DHRSX: variants seen among roughly 807,000 people sequenced by gnomAD.
DHRSX encodes polyprenol dehydrogenase.
DHRSX carries 31 observed loss-of-function variants against 34.0 expected under a neutral mutation model. That is an observed-to-expected ratio of 0.91 (90% confidence interval 0.69 to 1.23). DHRSX has a LOEUF of 1.23. DHRSX is among the 50% of genes most tolerant of loss of function. The pLI is 0.00. For synonymous variants in DHRSX, 201 were observed against 183.8 expected, an observed-to-expected ratio of 1.09 and a Z score of -0.76; for missense variants, 414 against 428.1, an observed-to-expected ratio of 0.97 and a Z score of 0.29.
intron 1 of DHRSX, among the ~76,000 whole-genome samples, chrX:2,433,087 G>A (rs2043947775): frequency 1.3e-5 from 2 of 152,122 alleles, no homozygotes; most frequent in South Asian, 2.1e-4. Flanking sequence ...TCGTGCCACT[G>A]CACTCCAGGA....
intron 1 of DHRSX, among the ~76,000 whole-genome samples, chrX:2,442,392 C>T (rs2044074224): frequency 6.7e-6 from 1 of 150,104 alleles, no homozygotes; most frequent in Non-Finnish European, 1.5e-5. Flanking sequence ...CAAAGGTCAA[C>T]TGTATATATT....
intron 3 of DHRSX, among the ~76,000 whole-genome samples, chrX:2,333,612 A>AC (rs1176543601): frequency 6.6e-6 from 1 of 152,012 alleles, no homozygotes; most frequent in Non-Finnish European, 1.5e-5. Flanking sequence ...ACAGGGTTTC[A>AC]CCATCTTGGC....
intron 1 of DHRSX, among the ~76,000 whole-genome samples, chrX:2,500,148 G>A (rs2045379978): frequency 6.6e-6 from 1 of 152,228 alleles, no homozygotes. Flanking sequence ...CTGCAAAGTT[G>A]GAGATCTGTG....
At chrX:2,299,576 C>T (rs779397559) in intron 3 of DHRSX, among the ~76,000 whole-genome samples, 2 of 152,130 alleles carry the variant, frequency 1.3e-5, no homozygotes, top group East Asian at 1.9e-4. Context: ...CTCATCTGGC[C>T]GGGTGTGGTG....
Position 2,371,539 on chromosome X carries a change from CCGTCCTTCTGTTACCAT to C in DHRSX, c.286+37189_286+37205del, listed in dbSNP as rs1569494764. Reference sequence around the variant, plus strand: ...ACAGCCCCTCCTCCGTTACCATAGTCCGTCCTTCTGTTACCATAGTCCCTCCTTCCATTACCATAGTA... The same window carrying C: ...ACAGCCCCTCCTCCGTTACCATAGTCAGTCCCTCCTTCCATTACCATAGTA... On this transcript the variant is annotated intron_variant, in intron 3 of 6. Coordinates refer to ENST00000334651, the MANE Select transcript of DHRSX (RefSeq NM_145177.3). 4.6e-4 allele frequency among the ~76,000 whole-genome samples: 36 copies of C among 77,780 alleles called. 1 individual carries two copies. The highest frequency in any genetic ancestry group is 1.5e-3 in the Non-Finnish European group (34 of 22,058). The allele number at this position is 77,780 out of a possible 152,430, so 51.0% of individuals were successfully genotyped here. A position where few individuals can be genotyped will look rare whatever the true frequency, so the allele number is the denominator to read the frequency against.
intron 3 of DHRSX, among the ~76,000 whole-genome samples, chrX:2,371,669 CCCT>C (rs1291897797): frequency 1.3e-5 from 1 of 76,342 alleles, no homozygotes; most frequent in Non-Finnish European, 4.4e-5. Context: ...TTACCATAGT[CCCT>C]CCTCCTCCCA....
chrX:2,234,008 G>C (rs1449663186), intron 6 of DHRSX, among the ~76,000 whole-genome samples: 1 of 152,206 alleles, frequency 6.6e-6, no homozygotes, highest in East Asian at 1.9e-4. Flanking sequence ...CAGGGAAGGA[G>C]AGGAGAAGGG....
In DHRSX at chrX:2,231,788, T is replaced by A. The variant is rs2015891832; in HGVS notation, c.805-10559A>T. ...TCCTTTCTGCCTTATCCTCCTCCTG[T>A]TTTTCTCTCTATCCCTCTCTCTCCC... On this transcript the variant is annotated intron_variant, in intron 6 of 6. Coordinates refer to ENST00000334651, the MANE Select transcript of DHRSX (RefSeq NM_145177.3). Among the ~76,000 whole-genome samples, 7 of 145,240 alleles carry A rather than the reference T, an allele frequency of 4.8e-5. No individual in the cohort carries two copies. The South Asian group carries it at 1.6e-3, about 33-fold the overall frequency.
At chrX:2,330,258 C>G in intron 3 of DHRSX, among the ~76,000 whole-genome samples, 1 of 151,422 alleles carries the variant, frequency 6.6e-6, no homozygotes. Context: ...TGCGGTGTCT[C>G]ATGCCTGTAA....
intron 3 of DHRSX, among the ~76,000 whole-genome samples, chrX:2,393,089 A>G (rs903406517): frequency 7.5e-5 from 11 of 147,320 alleles, no homozygotes; most frequent in Admixed American, 6.8e-4. Flanking sequence ...TAATATATAC[A>G]TTGAACATAA....
At chrX:2,272,027 T>C (rs181371371) in intron 4 of DHRSX, among the ~76,000 whole-genome samples, 4,343 of 151,316 alleles carry the variant, frequency 0.029, 215 homozygotes, top group African/African-American at 0.098. Flanking sequence ...GGCGAAAGAG[T>C]GAGACAAAAC....
At chrX:2,379,318 G>A (rs1034725086) in intron 3 of DHRSX, among the ~76,000 whole-genome samples, 23 of 152,242 alleles carry the variant, frequency 1.5e-4, no homozygotes, top group South Asian at 4.1e-4. Flanking sequence ...ATGATAAGCC[G>A]GCAAAGTCCC....
intron 3 of DHRSX, among the ~76,000 whole-genome samples, chrX:2,384,775 G>A (rs1363686552): frequency 1.3e-5 from 1 of 74,074 alleles, no homozygotes; most frequent in Non-Finnish European, 3.9e-5. Context: ...GGTGGGGGGA[G>A]GGGGGGGATG....
rs2045415105 is a variant in DHRSX, at chrX:2,500,968, G to GGACTCTGCGCCCGCCCGCCC, written c.-44_-43insGGGCGGGCGGGCGCAGAGTC. The GGACTCTGCGCCCGCCCGCCC allele has an allele frequency of 1.0e-6, 1 of 981,766 alleles. No homozygotes were observed. The highest frequency in any genetic ancestry group is 1.8e-5 in the African/African-American group (1 of 56,658). The allele number at this position is 981,766 out of a possible 1,614,324, so 60.8% of individuals were successfully genotyped here. On this transcript the variant is annotated 5_prime_UTR_variant, in exon 1 of 7. Transcript: ENST00000334651. ...CGCCGCCGCTTCCGCGCCGCCCGCG[G>GGACTCTGCGCCCGCCCGCCC]GACTCTGCGCCCGCCCGCCCGGACG...
chrX:2,478,983 G>A (rs1288164673), intron 1 of DHRSX, among the ~76,000 whole-genome samples: 2 of 151,396 alleles, frequency 1.3e-5, no homozygotes, highest in East Asian at 3.9e-4. Context: ...CATTCCCTAG[G>A]CATGGGGCCA....
intron 3 of DHRSX, among the ~76,000 whole-genome samples, chrX:2,363,135 T>C (rs2042954427): frequency 7.8e-6 from 1 of 127,592 alleles, no homozygotes; most frequent in Non-Finnish European, 1.7e-5. Flanking sequence ...TATGGTATCA[T>C]GCCGCCATTT....
At chrX:2,296,278 G>A (rs1383286911) in intron 3 of DHRSX, among the ~76,000 whole-genome samples, 1 of 152,208 alleles carries the variant, frequency 6.6e-6, no homozygotes, top group Non-Finnish European at 1.5e-5. Context: ...AAGGGAAGAT[G>A]TATGGGAGCT....
chrX:2,413,105 G>C (rs1164600310), intron 2 of DHRSX, among the ~76,000 whole-genome samples: 2 of 152,162 alleles, frequency 1.3e-5, no homozygotes, highest in African/African-American at 2.4e-5. Context: ...TGAGGCAGGA[G>C]AATCGCTTGA....
chrX:2,268,359 T>C (rs1457699043), intron 4 of DHRSX, among the ~76,000 whole-genome samples: 1 of 152,238 alleles, frequency 6.6e-6, no homozygotes, highest in African/African-American at 2.4e-5. Flanking sequence ...TGTAGATGTG[T>C]ATACATAGGC....
Sources: gnomAD v4.1 joint callset for allele counts (sites outside exome capture counted in the v4.1 genomes callset) on GRCh38, gnomAD v4.1.1 for gene constraint, MANE v1.5 for transcripts, NCBI Gene and HGNC (gene_info 2026-07-23, HGNC 2026-07-21) for gene names.